The following SMARCB1 variants were observed in gnomAD, a reference collection of about 807,000 sequenced individuals.
SMARCB1 encodes the protein SWI/SNF-related matrix-associated actin-dependent regulator of chromatin subfamily B member 1.
Under a neutral mutation model 49.0 loss-of-function variants are expected in SMARCB1, and 5 were observed. The ratio of observed to expected loss-of-function variants is 0.10; its 90% CI spans 0.05 to 0.21. The LOEUF (loss-of-function observed/expected upper bound fraction) is 0.21, where lower values mean the gene tolerates loss of function less well. Ranked by LOEUF, SMARCB1 falls within the 10% of genes least tolerant of loss-of-function variation. SMARCB1 has a pLI of 1.00. For synonymous variants in SMARCB1, 201 were observed against 200.1 expected (o/e 1.00, Z -0.04); for missense variants, 226 against 509.2 (o/e 0.44, Z 5.35).
intron 3 of SMARCB1, among the ~76,000 whole-genome samples, chr22:23,798,105 C>T (rs1928894337): frequency 6.6e-6 from 1 of 152,070 alleles, no homozygotes; most frequent in Non-Finnish European, 1.5e-5. Context: ...TCTAACGTAT[C>T]CAGTCAGAAA....
chr22:23,811,839 A>G (rs1216215469), intron 5 of SMARCB1, among the ~76,000 whole-genome samples: 2 of 152,250 alleles, frequency 1.3e-5, no homozygotes, highest in African/African-American at 4.8e-5. Flanking sequence ...GAAGAGCAGA[A>G]ATCAATGACA....
intron 1 of SMARCB1, among the ~76,000 whole-genome samples, 154 bp downstream of exon 1, chr22:23,787,416 C>T (rs980949041): frequency 2.0e-5 from 3 of 151,480 alleles, no homozygotes; most frequent in Non-Finnish European, 4.4e-5. Context: ...GTGGGCGTGT[C>T]GGGTGTGGCC....
In SMARCB1 at chr22:23,824,900, A is replaced by C; in HGVS notation, c.796-325A>C. On this transcript the variant is annotated intron_variant, in intron 6 of 8. Coordinates refer to ENST00000644036, the MANE Select transcript of SMARCB1 (RefSeq NM_003073.5). ...CGTAAGACCGATGGCAGCAGGAGCGAAGGGCAGAAAGGAAGGTCCCCACCA... is the reference window on the plus strand; with the variant it reads ...CGTAAGACCGATGGCAGCAGGAGCGCAGGGCAGAAAGGAAGGTCCCCACCA... 3 of 453,512 alleles carry C rather than the reference A, an allele frequency of 6.6e-6. No homozygotes were observed. The South Asian group carries it at 6.8e-5, about 10-fold the overall frequency. 28.1% of individuals were successfully genotyped at this position (453,512 alleles called of 1,614,324 possible).
At chr22:23,834,066 T>C in intron 8 of SMARCB1, 75 bp from the exon 9 acceptor site, 1 of 1,493,772 alleles carries the variant, frequency 6.7e-7, no homozygotes, top group African/African-American at 1.4e-5. Context: ...TTGGCTGCCC[T>C]GTAGAGCCTT....
chr22:23,806,219 C>T (rs904119211), intron 5 of SMARCB1, among the ~76,000 whole-genome samples: 1 of 152,118 alleles, frequency 6.6e-6, no homozygotes, highest in Non-Finnish European at 1.5e-5. Flanking sequence ...CACACGTGGT[C>T]CTGGAATCTG....
At position 23,825,610 on chromosome 22, in the gene SMARCB1, T is replaced by C. The variant is rs551910450; in HGVS notation, c.986+195T>C. On this transcript the variant is annotated intron_variant, in intron 7 of 8. Coordinates refer to ENST00000644036, the MANE Select transcript of SMARCB1 (RefSeq NM_003073.5). ...AGGGCTCCGCTGTGCCAGGTAGGGT[T>C]AGAAGCACCTAACACAATAGCTGGC... 1.3e-5 allele frequency: 8 copies of C among 598,546 alleles called. No individual in the cohort carries two copies. In the South Asian group the frequency reaches 1.4e-4, roughly 11 times the overall value. The allele number at this position is 598,546 out of a possible 1,614,324, so 37.1% of individuals were successfully genotyped here. A position where few individuals can be genotyped will look rare whatever the true frequency, so the allele number is the denominator to read the frequency against.
intron 6 of SMARCB1, among the ~76,000 whole-genome samples, chr22:23,822,234 G>C (rs2030130896): frequency 6.6e-6 from 1 of 152,234 alleles, no homozygotes; most frequent in Non-Finnish European, 1.5e-5. Flanking sequence ...AGTTCCAGCA[G>C]GGGTTGGGGG....
At chr22:23,830,989 T>C (rs2030628339) in intron 7 of SMARCB1, among the ~76,000 whole-genome samples, 1 of 152,168 alleles carries the variant, frequency 6.6e-6, no homozygotes, top group Non-Finnish European at 1.5e-5. Flanking sequence ...AGTTTGTTGC[T>C]AGTGCTTTTG....
rs376268773 is a variant in SMARCB1, at chr22:23,814,138, TGAAA to T, written c.629-2631_629-2628del. Among the ~76,000 whole-genome samples the T allele has an allele frequency of 1.6e-3, 244 of 152,228 alleles. 6 individuals carry two copies. The East Asian group carries it at 0.041, about 26-fold the overall frequency. On this transcript the variant is annotated intron_variant, in intron 5 of 8. Transcript: ENST00000644036. ...AGCCACCACACCCGGCCAGCAATTT[TGAAA>T]AACAGTAAAGTGGGAGTAATCATTC... is the stretch of plus-strand genomic sequence containing the variant.
At chr22:23,799,967 A>G (rs1163735249) in intron 3 of SMARCB1, among the ~76,000 whole-genome samples, 1 of 150,258 alleles carries the variant, frequency 6.7e-6, no homozygotes, top group Non-Finnish European at 1.5e-5. Flanking sequence ...TACAGGCGTG[A>G]GCCACCGCGC....
chr22:23,821,611 G>A (rs1035482184), intron 6 of SMARCB1, among the ~76,000 whole-genome samples: 1 of 152,088 alleles, frequency 6.6e-6, no homozygotes, highest in African/African-American at 2.4e-5. Context: ...AGACTTTGGA[G>A]AGCTGAGGTG....
intron 6 of SMARCB1, among the ~76,000 whole-genome samples, chr22:23,821,854 C>T (rs2030103129): frequency 1.4e-5 from 2 of 148,090 alleles, no homozygotes; most frequent in South Asian, 4.5e-4. Context: ...ATCTCACTGA[C>T]TCTGTCTCAA....
intron 6 of SMARCB1, among the ~76,000 whole-genome samples, chr22:23,820,505 C>T (rs552035231): frequency 9.2e-5 from 14 of 152,226 alleles, no homozygotes; most frequent in South Asian, 4.1e-4. Flanking sequence ...GCCCGGGAGG[C>T]GGAGGTTGCA....
chr22:23,799,734 G>A (rs1040625547), intron 3 of SMARCB1, among the ~76,000 whole-genome samples: 9 of 136,612 alleles, frequency 6.6e-5, no homozygotes, highest in African/African-American at 2.6e-4. Flanking sequence ...TCCCACTCTG[G>A]AGTGCAGTGG....
At chr22:23,810,058 G>A (rs1016628757) in intron 5 of SMARCB1, among the ~76,000 whole-genome samples, 1 of 151,340 alleles carries the variant, frequency 6.6e-6, no homozygotes, top group African/African-American at 2.4e-5. Context: ...TATAATCCCA[G>A]CTACTTGGGA....
chr22:23,810,872 A>G (rs937019268), intron 5 of SMARCB1, among the ~76,000 whole-genome samples: 2 of 152,022 alleles, frequency 1.3e-5, no homozygotes, highest in African/African-American at 4.8e-5. Flanking sequence ...TCTACTAAAA[A>G]TACAAAAATT....
intron 7 of SMARCB1, among the ~76,000 whole-genome samples, chr22:23,829,820 C>T (rs1308744837): frequency 6.6e-6 from 1 of 152,204 alleles, no homozygotes; most frequent in Non-Finnish European, 1.5e-5. Flanking sequence ...TCCCGTTCCT[C>T]CCCGCTGTCT....
intron 8 of SMARCB1, 123 bp downstream of exon 8, chr22:23,833,826 G>GAGGC (rs1443418718): frequency 6.1e-6 from 7 of 1,153,698 alleles, no homozygotes; most frequent in Non-Finnish European, 8.9e-6. Flanking sequence ...AGTGCTGCTA[G>GAGGC]AGGCAGGCAG....
intron 5 of SMARCB1, chr22:23,803,712 C>T (rs1016298301): frequency 2.0e-5 from 10 of 492,174 alleles, no homozygotes; most frequent in Middle Eastern, 1.1e-3. Context: ...GATGACAATG[C>T]CAGTCAGACC....
Sources: allele counts gnomAD v4.1 joint callset (sites outside exome capture counted in the v4.1 genomes callset), GRCh38; gene constraint gnomAD v4.1.1; transcripts MANE v1.5; gene names NCBI Gene and HGNC (gene_info 2026-07-23, HGNC 2026-07-21).